The following RAB11FIP3 variants were observed in gnomAD, a reference collection of about 807,000 sequenced individuals.
RAB11FIP3 encodes the protein rab11 family-interacting protein 3.
In RAB11FIP3, 17 loss-of-function variants were observed where a neutral mutation model predicts 77.8. The ratio of observed to expected loss-of-function variants is 0.22; its 90% CI spans 0.15 to 0.33. RAB11FIP3 has a LOEUF of 0.33. RAB11FIP3 is among the 10% of genes least tolerant of loss of function. The pLI is 1.00. For synonymous variants in RAB11FIP3, 437 were observed against 448.2 expected, an observed-to-expected ratio of 0.98 and a Z score of 0.31; for missense variants, 1,005 against 1,011.2, an observed-to-expected ratio of 0.99 and a Z score of 0.08.
At chr16:434,344 G>GCGCT (rs2055092175) in intron 1 of RAB11FIP3, among the ~76,000 whole-genome samples, 1 of 152,162 alleles carries the variant, frequency 6.6e-6, no homozygotes, top group Non-Finnish European at 1.5e-5. Flanking sequence ...GGCTGGTCTC[G>GCGCT]CGCTCCTGAC....
intron 1 of RAB11FIP3, among the ~76,000 whole-genome samples, chr16:434,905 A>G (rs997234145): frequency 7.9e-5 from 12 of 152,044 alleles, no homozygotes; most frequent in South Asian, 2.1e-4. Flanking sequence ...TCTACTGTCT[A>G]CTAAAAATAC....
chr16:515,773 C>T (rs1406303891), intron 9 of RAB11FIP3, among the ~76,000 whole-genome samples: 1 of 152,182 alleles, frequency 6.6e-6, no homozygotes, highest in Non-Finnish European at 1.5e-5. Context: ...ACACGGCCGA[C>T]ACGGACCGGG....
chr16:448,088 T>G (rs2055346588), intron 1 of RAB11FIP3, among the ~76,000 whole-genome samples: 3 of 151,068 alleles, frequency 2.0e-5, no homozygotes, highest in Non-Finnish European at 4.4e-5. Flanking sequence ...GAGGCCGAGG[T>G]GGGCGGATCA....
rs574490395 is a variant in RAB11FIP3, at chr16:471,497, C to G, written c.903+108C>G. On this transcript the variant is annotated intron_variant, in intron 3 of 13. Transcript: ENST00000262305. The surrounding 1 kb of genome is among the most constrained non-coding windows in gnomAD (Gnocchi z 4.4). ...CCGGGCTGTCTTCCGTAGAAGCTGG[C>G]GTGAAGGAAGGGCCTCCCGCCCTGT... The G allele has an allele frequency of 1.3e-5, 13 of 1,002,294 alleles. No individual in the cohort carries two copies. In the East Asian group the frequency reaches 3.2e-4, roughly 24 times the overall value. The allele number at this position is 1,002,294 out of a possible 1,614,324, so 62.1% of individuals were successfully genotyped here.
intron 6 of RAB11FIP3, 157 bp from the exon 7 acceptor site, chr16:502,847 C>T (rs1215895630): frequency 1.5e-6 from 1 of 673,922 alleles, no homozygotes; most frequent in Non-Finnish European, 2.6e-6. Context: ...GTATATAGTG[C>T]TTTAAGTGGG....
chr16:492,455 T>TCCCGGGAGATCCGAGGCCGCCCAGAGCCC (rs1567392335), intron 5 of RAB11FIP3, among the ~76,000 whole-genome samples: 1 of 48,172 alleles, frequency 2.1e-5, no homozygotes, highest in Non-Finnish European at 3.8e-5. Flanking sequence ...CCCAGGGCCC[T>TCCCGGGAGATCCGAGGCCGCCCAGAGCCC]TCCCGGGGAG....
At chr16:455,745 G>C (rs2055493076) in intron 1 of RAB11FIP3, among the ~76,000 whole-genome samples, 1 of 152,012 alleles carries the variant, frequency 6.6e-6, no homozygotes, top group South Asian at 2.1e-4. Context: ...ACTGGCACGT[G>C]GACCGACGAA....
At chr16:484,171 A>C (rs1466576739) in intron 4 of RAB11FIP3, among the ~76,000 whole-genome samples, 1 of 152,128 alleles carries the variant, frequency 6.6e-6, no homozygotes, top group Non-Finnish European at 1.5e-5. Flanking sequence ...AGGTTTTTCA[A>C]ACTGACCATT....
chr16:473,716 A>G (rs1390835454), intron 3 of RAB11FIP3, among the ~76,000 whole-genome samples: 1 of 152,062 alleles, frequency 6.6e-6, no homozygotes, highest in Non-Finnish European at 1.5e-5. Flanking sequence ...CTGGTATTAC[A>G]GGCGTGAGCC....
intron 1 of RAB11FIP3, among the ~76,000 whole-genome samples, chr16:458,909 A>G (rs1293952431): frequency 6.6e-6 from 1 of 152,192 alleles, no homozygotes; most frequent in East Asian, 1.9e-4. Context: ...AGTGGAGAGT[A>G]GTGAAATGGT....
chr16:517,058 C>T (rs975846574), intron 9 of RAB11FIP3, among the ~76,000 whole-genome samples: 5 of 152,136 alleles, frequency 3.3e-5, no homozygotes, highest in Admixed American at 1.3e-4. Context: ...GAAAGCCGTG[C>T]GGACGTCAGG....
intron 5 of RAB11FIP3, 144 bp downstream of exon 5, chr16:489,144 T>A (rs1449464902): frequency 1.0e-6 from 1 of 972,982 alleles, no homozygotes; most frequent in African/African-American, 1.7e-5. Context: ...TTCAAACATT[T>A]TAAATTTATA....
chr16:467,437 C>T (rs2055721759), intron 2 of RAB11FIP3, among the ~76,000 whole-genome samples: 1 of 148,776 alleles, frequency 6.7e-6, no homozygotes, highest in South Asian at 2.2e-4. Context: ...GGTGCTGGGA[C>T]GTCAGGGAGG....
chr16:426,838 A>G lies in RAB11FIP3; in HGVS notation c.714+118A>G. The G allele has an allele frequency of 1.3e-6, 1 of 756,324 alleles. No individual in the cohort carries two copies. 46.9% of individuals were successfully genotyped at this position (756,324 alleles called of 1,614,324 possible). The stretch of plus-strand genomic sequence containing the variant: ...TCGGGAAAGGCACTGTCAAGACCTG[A>G]CGGTCCTGCTTTTTCTGCTTATTCA... On this transcript the variant is annotated intron_variant, in intron 1 of 13. Transcript: ENST00000262305. The surrounding 1 kb of genome is among the most constrained non-coding windows in gnomAD (Gnocchi z 5.0).
At chr16:500,894 C>T (rs2031473087) in intron 6 of RAB11FIP3, among the ~76,000 whole-genome samples, 1 of 151,982 alleles carries the variant, frequency 6.6e-6, no homozygotes, top group African/African-American at 2.4e-5. Context: ...GTCGTGGCCT[C>T]TCAGGATGGG....
intron 1 of RAB11FIP3, among the ~76,000 whole-genome samples, chr16:428,769 G>A (rs2054991872): frequency 6.6e-6 from 1 of 152,094 alleles, no homozygotes; most frequent in Non-Finnish European, 1.5e-5. Context: ...CTTTTTATTT[G>A]AGAAACATCT....
intron 1 of RAB11FIP3, among the ~76,000 whole-genome samples, chr16:430,048 A>G (rs1196815066): frequency 1.3e-5 from 2 of 152,164 alleles, no homozygotes; most frequent in Non-Finnish European, 2.9e-5. Context: ...TTGTGTTAGC[A>G]GAAATCAGCA....
chr16:475,563 G>A (rs2055887707), intron 3 of RAB11FIP3, among the ~76,000 whole-genome samples: 1 of 152,188 alleles, frequency 6.6e-6, no homozygotes, highest in Admixed American at 6.5e-5. Flanking sequence ...ACTCCATGTA[G>A]GGAGGCCTTG....
At chr16:479,901 A>G (rs2055999186) in intron 3 of RAB11FIP3, among the ~76,000 whole-genome samples, 1 of 152,092 alleles carries the variant, frequency 6.6e-6, no homozygotes, top group Admixed American at 6.6e-5. Flanking sequence ...CTGGGTCTCA[A>G]AGAGAGACAC....
Sources: allele counts gnomAD v4.1 joint callset (sites outside exome capture counted in the v4.1 genomes callset), GRCh38; gene constraint gnomAD v4.1.1; non-coding constraint Gnocchi (gnomAD v3.1); transcripts MANE v1.5; gene names NCBI Gene and HGNC (gene_info 2026-07-23, HGNC 2026-07-21).